The following P4HTM variants were observed in gnomAD, a reference collection of about 807,000 sequenced individuals.
P4HTM encodes the protein transmembrane prolyl 4-hydroxylase.
A neutral mutation model predicts 55.3 loss-of-function variants in P4HTM; 33 were observed. That is an observed-to-expected ratio of 0.60 (90% CI 0.45 to 0.80). P4HTM has a LOEUF of 0.80. Ranked by LOEUF, P4HTM falls within the 30% of genes least tolerant of loss-of-function variation. P4HTM has a pLI of 0.00. For synonymous variants in P4HTM, 272 were observed against 286.4 expected (o/e 0.95, Z 0.51); for missense variants, 542 against 696.5 (o/e 0.78, Z 2.50).
intron 4 of P4HTM, 90 bp from the exon 5 acceptor site, chr3:49,004,008 C>T: frequency 7.6e-7 from 1 of 1,311,820 alleles, no homozygotes; most frequent in Non-Finnish European, 1.0e-6. Flanking sequence ...GGGGCTGCTG[C>T]TGCCTTTGGG....
Position 49,004,705 on chromosome 3 carries a change from C to T in P4HTM, c.888-156C>T, listed in dbSNP as rs372596235. On this transcript the variant is annotated intron_variant, in intron 5 of 8. Transcript: ENST00000383729. The stretch of plus-strand genomic sequence containing the variant: ...GAAGGATCATCATGAGTAACCCCCT[C>T]CTGCTCTTACAGGGCCAGTCTGAGA... 68 of 698,512 alleles carry T rather than the reference C, an allele frequency of 9.7e-5. No homozygotes were observed. The African/African-American group carries it at 1.2e-3, about 12-fold the overall frequency. The allele number at this position is 698,512 out of a possible 1,614,324, so 43.3% of individuals were successfully genotyped here.
At chr3:48,993,762 T>C (rs2092937667) in intron 2 of P4HTM, among the ~76,000 whole-genome samples, 1 of 147,340 alleles carries the variant, frequency 6.8e-6, no homozygotes, top group Non-Finnish European at 1.5e-5. Context: ...TTCGGGAGGC[T>C]GAGGCAGGAG....
chr3:48,990,667 A>G lies in P4HTM; in HGVS notation c.354+57A>G. The G allele has an allele frequency of 1.4e-6, 2 of 1,480,548 alleles. No homozygotes were observed. Among genetic ancestry groups the G allele is most frequent in the East Asian group, 2.5e-5 (1 of 39,954 alleles). The allele number at this position is 1,480,548 out of a possible 1,614,324, so 91.7% of individuals were successfully genotyped here. ...GCCCTGCACGGCTGAGCCCGAGAGG[A>G]CCGGCGCTCAGCCCGGGTCCCCACG... On this transcript the variant is annotated intron_variant, in intron 1 of 8. Transcript: ENST00000383729. This position sits in a 1 kb window ranked among gnomAD's most constrained non-coding sequence, Gnocchi z 7.2.
chr3:48,999,679 T>C lies in P4HTM; in HGVS notation c.437-1759T>C, dbSNP rs1324088862. On this transcript the variant is annotated intron_variant, in intron 2 of 8. Coordinates refer to ENST00000383729, the MANE Select transcript of P4HTM (RefSeq NM_177939.3). This position sits in a 1 kb window ranked among gnomAD's most constrained non-coding sequence, Gnocchi z 4.8. ...CCTGGTGAGGCCCCAACATGCTGAC[T>C]GGGCTGTTTGTTTTTGATTAGCACA... is the stretch of plus-strand genomic sequence containing the variant. The C allele has an allele frequency of 6.2e-6, 1 of 160,788 alleles. No individual in the cohort carries two copies. 10.0% of individuals were successfully genotyped at this position (160,788 alleles called of 1,614,324 possible). A position where few individuals can be genotyped will look rare whatever the true frequency, so the allele number is the denominator to read the frequency against.
At chr3:48,993,828 C>T (rs527378111) in intron 2 of P4HTM, among the ~76,000 whole-genome samples, 1 of 142,734 alleles carries the variant, frequency 7.0e-6, no homozygotes, top group Non-Finnish European at 1.5e-5. Context: ...TGCCACTGTA[C>T]TCCAGCCTGG....
In P4HTM at chr3:49,002,058, G is replaced by A. The variant is rs543473803; in HGVS notation, c.627+430G>A. ...GAGAAGTCTGGCAGGGTGGTGGTGC[G>A]GGGCACTGCCCACACAGAACACCCC... On this transcript the variant is annotated intron_variant, in intron 3 of 8. Transcript: ENST00000383729. The surrounding 1 kb of genome is among the most constrained non-coding windows in gnomAD (Gnocchi z 4.4). 1.3e-5 allele frequency among the ~76,000 whole-genome samples: 2 copies of A among 152,290 alleles called. No homozygotes were observed. The highest frequency in any genetic ancestry group is 4.8e-5 in the African/African-American group (2 of 41,550).
chr3:48,996,590 G>C (rs2092946478), intron 2 of P4HTM, among the ~76,000 whole-genome samples: 1 of 152,110 alleles, frequency 6.6e-6, no homozygotes. Flanking sequence ...TCAATCTCTT[G>C]ACCTCGTGAT....
chr3:49,005,586 TCA>T (rs2092975543), intron 6 of P4HTM, 189 bp from the exon 7 acceptor site: 1 of 1,402,394 alleles, frequency 7.1e-7, no homozygotes, highest in Non-Finnish European at 9.3e-7. Flanking sequence ...CCATTGCAAC[TCA>T]CAGTAAGAGA....
chr3:49,006,005 G>C, intron 7 of P4HTM, 59 bp from the exon 8 acceptor site: 2 of 1,580,944 alleles, frequency 1.3e-6, no homozygotes, highest in South Asian at 2.3e-5. Context: ...GGTCACCCTT[G>C]GCTGGCCTGG....
chr3:49,001,482 C>G lies in P4HTM; in HGVS notation c.481C>G (p.His161Asp). The G allele has an allele frequency of 6.2e-7, 1 of 1,613,918 alleles. No homozygotes were observed. The highest frequency in any genetic ancestry group is 1.1e-5 in the South Asian group (1 of 91,084). Residue 161 changes from histidine (H) to aspartate (D), a missense_variant, in exon 3 of 9, where the codon CAT becomes GAT. This residue lies in a region of P4HTM where 536 missense variants were observed against 672.1 expected (regional missense o/e 0.80). Coordinates refer to ENST00000383729, the MANE Select transcript of P4HTM (RefSeq NM_177939.3). ...LTDEECRLII[H>D]LAQMKGLQRS... is the part of the protein sequence containing the mutation. Reference sequence around the variant, plus strand: ...TGATGAAGAGTGTCGGCTCATCATCCATCTGGCGCAGATGAAGGGGTTACA... The same window carrying G: ...TGATGAAGAGTGTCGGCTCATCATCGATCTGGCGCAGATGAAGGGGTTACA...
At chr3:48,997,381 CAT>C (rs2092949081) in intron 2 of P4HTM, 1 of 152,344 alleles carries the variant, frequency 6.6e-6, no homozygotes, top group Non-Finnish European at 1.5e-5. Context: ...ATTGTACACA[CAT>C]GTGACATCCA....
chr3:48,995,104 C>T (rs1480846637), intron 2 of P4HTM, among the ~76,000 whole-genome samples: 2 of 152,024 alleles, frequency 1.3e-5, no homozygotes, highest in Non-Finnish European at 2.9e-5. Flanking sequence ...CCCAGCCGCT[C>T]ATCACTCTCT....
chr3:49,002,793 T>A lies in P4HTM; in HGVS notation c.724+197T>A. On this transcript the variant is annotated intron_variant, in intron 4 of 8. Transcript: ENST00000383729. This position sits in a 1 kb window ranked among gnomAD's most constrained non-coding sequence, Gnocchi z 4.4. The stretch of plus-strand genomic sequence containing the variant: ...AGTAGGCAGGCAGCCAGGCCCCCCG[T>A]TCCCCTTGGTGATGGTCTCGAGGGC... 1.5e-6 allele frequency: 1 copy of A among 676,126 alleles called. No individual in the cohort carries two copies. The highest frequency in any genetic ancestry group is 2.1e-5 in the Admixed American group (1 of 48,768). The allele number at this position is 676,126 out of a possible 1,614,324, so 41.9% of individuals were successfully genotyped here.
intron 2 of P4HTM, among the ~76,000 whole-genome samples, chr3:48,994,418 A>G (rs375143907): frequency 6.6e-6 from 1 of 152,166 alleles, no homozygotes; most frequent in Admixed American, 6.5e-5. Context: ...AGGGAACCCT[A>G]GCACTTCTCA....
intron 2 of P4HTM, among the ~76,000 whole-genome samples, chr3:48,993,859 CAAAAAAAA>C (rs60867672): frequency 2.3e-5 from 1 of 43,828 alleles, no homozygotes; most frequent in African/African-American, 7.9e-5. Flanking sequence ...GACTCCATCA[CAAAAAAAA>C]AAAAAAAAAA....
rs1366648368 is a variant in P4HTM, at chr3:48,999,738, A to G, written c.437-1700A>G. 1 of 153,660 alleles carries G rather than the reference A, an allele frequency of 6.5e-6. No homozygotes were observed. The highest frequency in any genetic ancestry group is 6.5e-5 in the Admixed American group (1 of 15,280). 9.5% of individuals were successfully genotyped at this position (153,660 alleles called of 1,614,324 possible). Reference sequence around the variant, plus strand: ...GACTGTAGAGGCTGGAGGCACCTCCACTGGGCTTGCAGATTACTGGCACCT... The same window carrying G: ...GACTGTAGAGGCTGGAGGCACCTCCGCTGGGCTTGCAGATTACTGGCACCT... On this transcript the variant is annotated intron_variant, in intron 2 of 8. Coordinates refer to ENST00000383729, the MANE Select transcript of P4HTM (RefSeq NM_177939.3). The surrounding 1 kb of genome is among the most constrained non-coding windows in gnomAD (Gnocchi z 4.8).
Position 49,006,721 on chromosome 3 carries a change from CG to C in P4HTM, c.1328del (p.Gly443AlafsTer90). 1.2e-6 allele frequency: 2 copies of C among 1,613,698 alleles called. No homozygotes were observed. Among genetic ancestry groups the C allele is most frequent in the Non-Finnish European group, 1.7e-6 (2 of 1,180,034 alleles). ...GTGACGTAGACGACTACTCGCTGCA[CG>C]GGGGCTGCCTGGTCACGCGCGGCAC... ...VGDVDDYSLH[G>X]GCLVTRGTKW... On this transcript the variant is annotated frameshift_variant, in exon 9 of 9. Coordinates refer to ENST00000383729, the MANE Select transcript of P4HTM (RefSeq NM_177939.3). LOFTEE classifies it high-confidence loss of function.
chr3:49,006,641 C>T (rs1483624029), intron 8 of P4HTM, 46 bp from the exon 9 acceptor site: 4 of 1,559,202 alleles, frequency 2.6e-6, no homozygotes, highest in Admixed American at 1.7e-5. Context: ...TGAGGCCAAG[C>T]TCTGGCCAGC....
At chr3:48,998,114 T>G (rs2092950977) in intron 2 of P4HTM, 1 of 152,314 alleles carries the variant, frequency 6.6e-6, no homozygotes, top group Non-Finnish European at 1.5e-5. Context: ...ACCTGATCCC[T>G]GTATGATTTG....
Sources: allele counts gnomAD v4.1 joint callset (sites outside exome capture counted in the v4.1 genomes callset), GRCh38; gene constraint gnomAD v4.1.1; regional missense constraint gnomAD v4.1.1; non-coding constraint Gnocchi (gnomAD v3.1); transcripts MANE v1.5; gene names NCBI Gene and HGNC (gene_info 2026-07-23, HGNC 2026-07-21).